Variants in PTCD3 observed in about 807,000 individuals in gnomAD.
PTCD3 encodes pentatricopeptide repeat domain 3.
Under a neutral mutation model 101.9 loss-of-function variants are expected in PTCD3, and 89 were observed. That is an observed-to-expected ratio of 0.87 (90% CI 0.74 to 1.04). The LOEUF (loss-of-function observed/expected upper bound fraction) is 1.04, where lower values mean the gene tolerates loss of function less well. Among genes scored for constraint, PTCD3 ranks in the 50% least tolerant of loss-of-function variants. The pLI is 0.00. For synonymous variants in PTCD3, 296 were observed against 278.5 expected (o/e 1.06, Z -0.63); for missense variants, 870 against 828.2 (o/e 1.05, Z -0.62).
Position 86,127,947 on chromosome 2 carries a change from C to A in PTCD3, c.1103C>A (p.Ser368Ter). The A allele has an allele frequency of 6.2e-7, 1 of 1,609,908 alleles. No homozygotes were observed. The highest frequency in any genetic ancestry group is 8.5e-7 in the Non-Finnish European group (1 of 1,176,312). Residue 368 changes from serine to a stop codon, truncating the protein, a stop_gained, in exon 14 of 24, where the codon TCG becomes TAG. Coordinates refer to ENST00000254630, the MANE Select transcript of PTCD3 (RefSeq NM_017952.6). LOFTEE classifies it high-confidence loss of function. The stretch of plus-strand genomic sequence containing the variant: ...GTCTACCTGGTAATTTGAGAACCCT[C>A]GCTTGCAACATATCACCATATTATT... The part of the protein sequence containing the change: ...REMKAIGIEP[S>*]LATYHHIIRL...
chr2:86,131,941 G>T (rs767752173), intron 16 of PTCD3, among the ~76,000 whole-genome samples: 2 of 152,178 alleles, frequency 1.3e-5, no homozygotes, highest in Non-Finnish European at 2.9e-5. Context: ...TACTTTCAGG[G>T]TGTTTTATTT....
chr2:86,135,134 T>G (rs528181283), intron 21 of PTCD3, 147 bp downstream of exon 21: 335 of 847,646 alleles, frequency 4.0e-4, no homozygotes, highest in Non-Finnish European at 5.4e-4. Context: ...AAGCAAACTT[T>G]TGGAAGAAGA....
chr2:86,134,723 A>G, intron 20 of PTCD3, 116 bp from the exon 21 acceptor site: 1 of 1,187,620 alleles, frequency 8.4e-7, no homozygotes, highest in Non-Finnish European at 1.2e-6. Context: ...CTATACACAT[A>G]ATATATTCAA....
intron 1 of PTCD3, among the ~76,000 whole-genome samples, chr2:86,106,637 G>A (rs1435735952): frequency 1.3e-5 from 2 of 152,152 alleles, no homozygotes; most frequent in African/African-American, 4.8e-5. Context: ...AGTGAGTGTG[G>A]CTATTAGCAA....
chr2:86,133,396 T>C lies in PTCD3; in HGVS notation c.1503T>C (p.Asp501=). Residue 501 remains aspartate (D), a synonymous_variant, in exon 19 of 24, where the codon GAT becomes GAC. Coordinates refer to ENST00000254630, the MANE Select transcript of PTCD3 (RefSeq NM_017952.6). ...QTMIHLLQAL[D]VANRLEVIPK... is the part of the protein sequence containing the mutation. ...TGATACATCTTCTCCAAGCATTGGA[T>C]GTGGCCAATCGGCTAGAAGTGATTC... The C allele has an allele frequency of 6.2e-7, 1 of 1,614,192 alleles. No homozygotes were observed. The highest frequency in any genetic ancestry group is 8.5e-7 in the Non-Finnish European group (1 of 1,179,992).
At position 86,139,510 on chromosome 2, in the gene PTCD3, T is replaced by C. The variant is rs1674648279; in HGVS notation, c.*1951T>C. On this transcript the variant is annotated 3_prime_UTR_variant, in exon 24 of 24. Transcript: ENST00000254630. ...ACCCTGTCTTGGAGAAACCAGAATT[T>C]TGGAAGAGCAAATGGGGCTGAGTGC... is the stretch of plus-strand genomic sequence containing the variant. 1 of 152,040 alleles carries C rather than the reference T, an allele frequency of 6.6e-6. No individual in the cohort carries two copies. The highest frequency in any genetic ancestry group is 2.4e-5 in the African/African-American group (1 of 41,150). The allele number at this position is 152,040 out of a possible 1,614,324, so 9.4% of individuals were successfully genotyped here. A position where few individuals can be genotyped will look rare whatever the true frequency, so the allele number is the denominator to read the frequency against.
Position 86,139,455 on chromosome 2 carries a change from A to G in PTCD3, c.*1896A>G, listed in dbSNP as rs1367649381. On this transcript the variant is annotated 3_prime_UTR_variant, in exon 24 of 24. Coordinates refer to ENST00000254630, the MANE Select transcript of PTCD3 (RefSeq NM_017952.6). ...GGTTGCAGTGAGCCGTGATTGCACCACTGCACTCCAGCCTGGGCAACAGAG... is the reference window on the plus strand; with the variant it reads ...GGTTGCAGTGAGCCGTGATTGCACCGCTGCACTCCAGCCTGGGCAACAGAG... 1 of 152,556 alleles carries G rather than the reference A, an allele frequency of 6.6e-6. No homozygotes were observed. The highest frequency in any genetic ancestry group is 1.5e-5 in the Non-Finnish European group (1 of 68,396). 9.5% of individuals were successfully genotyped at this position (152,556 alleles called of 1,614,324 possible).
At chr2:86,110,093 G>C (rs762803663) in intron 3 of PTCD3, among the ~76,000 whole-genome samples, 10 of 152,210 alleles carry the variant, frequency 6.6e-5, no homozygotes, top group Non-Finnish European at 1.2e-4. Flanking sequence ...TAAAGAAAGA[G>C]AATTAGTGAG....
rs192506947 is a variant in PTCD3 at position 86,136,601 on chromosome 2, G to T, written c.1820+39G>T. On this transcript the variant is annotated intron_variant, in intron 22 of 23. Transcript: ENST00000254630. ...AGCCAGCTCTCTTTGGGTACAGCCT[G>T]GAAGTAGCCACATTTGGAATTTCTT... The T allele has an allele frequency of 1.6e-5, 26 of 1,583,644 alleles. No homozygotes were observed. The Admixed American group carries it at 4.2e-4, about 25-fold the overall frequency.
At chr2:86,131,788 A>G (rs1674497564) in intron 16 of PTCD3, among the ~76,000 whole-genome samples, 1 of 152,196 alleles carries the variant, frequency 6.6e-6, no homozygotes, top group South Asian at 2.1e-4. Flanking sequence ...CTTTGCCATT[A>G]CTTTCCATGG....
chr2:86,114,289 CT>C (rs536484959), intron 4 of PTCD3, among the ~76,000 whole-genome samples: 389 of 143,664 alleles, frequency 2.7e-3, no homozygotes, highest in Admixed American at 3.1e-3. Flanking sequence ...TTTTTTCTTT[CT>C]TTTTTTTTTT....
intron 7 of PTCD3, among the ~76,000 whole-genome samples, chr2:86,119,933 A>T: frequency 6.6e-6 from 1 of 152,374 alleles, no homozygotes; most frequent in South Asian, 2.1e-4. Flanking sequence ...ATATAGCAAC[A>T]TCAGAAGCAG....
Position 86,116,525 on chromosome 2 carries a change from C to T in PTCD3, c.241-5C>T, listed in dbSNP as rs752491665. On this transcript the variant is annotated splice_polypyrimidine_tract_variant and splice_region_variant and intron_variant, in intron 4 of 23. Coordinates refer to ENST00000254630, the MANE Select transcript of PTCD3 (RefSeq NM_017952.6). ...TATAGAAATTGTATTATGTCTTTTC[C>T]ACAGGATACCACAGCTGTGCCTTAT... The T allele has an allele frequency of 1.2e-6, 2 of 1,602,298 alleles. No individual in the cohort carries two copies. Among genetic ancestry groups the T allele is most frequent in the South Asian group, 1.1e-5 (1 of 90,716 alleles).
At chr2:86,113,122 G>A (rs1202378321) in intron 4 of PTCD3, among the ~76,000 whole-genome samples, 1 of 152,208 alleles carries the variant, frequency 6.6e-6, no homozygotes, top group Non-Finnish European at 1.5e-5. Flanking sequence ...CAAGGTTGCA[G>A]TGGAATTATT....
At chr2:86,118,805 A>C (rs1674225674) in intron 6 of PTCD3, 116 bp from the exon 7 acceptor site, 1 of 1,157,804 alleles carries the variant, frequency 8.6e-7, no homozygotes, top group Non-Finnish European at 1.2e-6. Flanking sequence ...AGGAAACATG[A>C]ATTGGAGCAG....
In PTCD3 at chr2:86,138,984, G is replaced by A. The variant is rs1381958521; in HGVS notation, c.*1425G>A. On this transcript the variant is annotated 3_prime_UTR_variant, in exon 24 of 24. Transcript: ENST00000254630. ...GTTGCTCTGCAGCTAGAGTTGATAG[G>A]AGAAAATCCATTTGGGTAGATGGCC... 1 of 152,190 alleles carries A rather than the reference G, an allele frequency of 6.6e-6. No individual in the cohort carries two copies. Among genetic ancestry groups the A allele is most frequent in the Non-Finnish European group, 1.5e-5 (1 of 68,034 alleles). The allele number at this position is 152,190 out of a possible 1,614,324, so 9.4% of individuals were successfully genotyped here.
At position 86,118,858 on chromosome 2, in the gene PTCD3, A is replaced by T. The variant is rs748479430; in HGVS notation, c.415-63A>T. 8.6e-5 allele frequency: 133 copies of T among 1,545,508 alleles called. 1 individual carries two copies. Among genetic ancestry groups the T allele is most frequent in the Non-Finnish European group, 1.1e-4 (130 of 1,141,022 alleles). ...ATGTTGGTGATAAAAGTTTTGTCCT[A>T]CTCAGTTATCCTTCCCTCACCTTTA... On this transcript the variant is annotated intron_variant, in intron 6 of 23. Transcript: ENST00000254630.
At position 86,125,881 on chromosome 2, in the gene PTCD3, G is replaced by C; in HGVS notation, c.951+1G>C. The C allele has an allele frequency of 6.3e-7, 1 of 1,582,186 alleles. No individual in the cohort carries two copies. Among genetic ancestry groups the C allele is most frequent in the African/African-American group, 1.3e-5 (1 of 74,326 alleles). On this transcript the variant is annotated splice_donor_variant, in intron 12 of 23. Transcript: ENST00000254630. LOFTEE classifies it high-confidence loss of function. ...TGAGGAAAAATGGAGTAAAATACTG[G>C]TAAGGAGGAATCCTCAGTTTATTTT...
intron 11 of PTCD3, 73 bp downstream of exon 11, chr2:86,125,588 C>T (rs750221118): frequency 3.1e-5 from 44 of 1,437,818 alleles, no homozygotes; most frequent in African/African-American, 4.2e-5. Flanking sequence ...GGCTTTGGAT[C>T]GTGCCTCAGT....
Sources: allele counts gnomAD v4.1 joint callset (sites outside exome capture counted in the v4.1 genomes callset), GRCh38; gene constraint gnomAD v4.1.1; transcripts MANE v1.5; gene names NCBI Gene and HGNC (gene_info 2026-07-23, HGNC 2026-07-21).